The following RBMS1 variants were observed in gnomAD, a reference collection of about 807,000 sequenced individuals.
RBMS1 encodes the protein RNA binding motif single stranded interacting protein 1.
RBMS1 carries 17 observed loss-of-function variants against 62.3 expected under a neutral mutation model. The ratio of observed to expected loss-of-function variants is 0.27; its 90% CI spans 0.19 to 0.41. RBMS1 has a LOEUF of 0.41. Among genes scored for constraint, RBMS1 ranks in the 10% least tolerant of loss-of-function variants. RBMS1 has a pLI of 1.00. For missense variants in RBMS1, 334 were observed against 504.5 expected (o/e 0.66, Z 3.24); for synonymous variants, 172 against 170.0 (o/e 1.01, Z -0.09).
intron 1 of RBMS1, among the ~76,000 whole-genome samples, chr2:160,450,564 G>GAAAAAAAAAAA (rs1181640365): frequency 1.4e-4 from 8 of 56,576 alleles, no homozygotes; most frequent in Admixed American, 1.9e-4. Context: ...AATAAAAAAT[G>GAAAAAAAAAAA]AAAAAAAAAA....
intron 1 of RBMS1, among the ~76,000 whole-genome samples, chr2:160,389,493 T>C (rs1006596771): frequency 3.3e-5 from 5 of 150,528 alleles, no homozygotes; most frequent in African/African-American, 1.2e-4. Context: ...AGGTCAGGAG[T>C]TCAAAACCAG....
chr2:160,434,487 AAAGG>A (rs1464886261), intron 1 of RBMS1, among the ~76,000 whole-genome samples: 2 of 151,724 alleles, frequency 1.3e-5, no homozygotes, highest in Admixed American at 1.3e-4. Context: ...AGGGAGACAG[AAAGG>A]AAAAAAAAAA....
At position 160,282,315 on chromosome 2, in the gene RBMS1, C is replaced by T. The variant is rs571730771; in HGVS notation, c.901-951G>A. On this transcript the variant is annotated intron_variant, in intron 9 of 13. Coordinates refer to ENST00000348849, the MANE Select transcript of RBMS1 (RefSeq NM_016836.4). ...GGTTTCCTTTGCCACCTAAGGCAGA[C>T]CAAAGTTAAGTGCTTCTGCCTTGTT... 2.9e-5 allele frequency: 39 copies of T among 1,367,796 alleles called. No individual in the cohort carries two copies. In the East Asian group the frequency reaches 1.8e-3, roughly 62 times the overall value. 84.7% of individuals were successfully genotyped at this position (1,367,796 alleles called of 1,614,324 possible).
chr2:160,464,671 T>C (rs1471975633), intron 1 of RBMS1, among the ~76,000 whole-genome samples: 1 of 152,268 alleles, frequency 6.6e-6, no homozygotes, highest in Non-Finnish European at 1.5e-5. Flanking sequence ...TTTTTAAATA[T>C]TGTGTAACTT....
At chr2:160,470,194 T>C (rs996664693) in intron 1 of RBMS1, among the ~76,000 whole-genome samples, 2 of 152,246 alleles carry the variant, frequency 1.3e-5, no homozygotes, top group South Asian at 2.1e-4. Flanking sequence ...ATCTGTATTA[T>C]AGAGTTTTTC....
intron 1 of RBMS1, among the ~76,000 whole-genome samples, chr2:160,378,655 T>C (rs1033868183): frequency 1.3e-5 from 2 of 151,160 alleles, no homozygotes; most frequent in African/African-American, 2.4e-5. Context: ...TTTTCTGTCA[T>C]AAGAGTACAC....
At chr2:160,444,673 C>T (rs1231697930) in intron 1 of RBMS1, among the ~76,000 whole-genome samples, 1 of 152,218 alleles carries the variant, frequency 6.6e-6, no homozygotes, top group Non-Finnish European at 1.5e-5. Context: ...CTTACTCCTA[C>T]TATGACTGTA....
chr2:160,352,944 C>CA (rs1296813730), intron 2 of RBMS1, among the ~76,000 whole-genome samples: 1 of 151,854 alleles, frequency 6.6e-6, no homozygotes, highest in African/African-American at 2.4e-5. Context: ...AATGTTGAGG[C>CA]AAAAAAATTA....
At chr2:160,277,714 C>A (rs368868505) in intron 11 of RBMS1, 1 of 208,980 alleles carries the variant, frequency 4.8e-6, no homozygotes. Flanking sequence ...GAAGATCTCT[C>A]CTCAAAGGAC....
chr2:160,328,583 A>T (rs538678290), intron 2 of RBMS1, among the ~76,000 whole-genome samples: 1 of 152,150 alleles, frequency 6.6e-6, no homozygotes, highest in Non-Finnish European at 1.5e-5. Flanking sequence ...GTTTATGCCA[A>T]TTTAGCTCAA....
intron 1 of RBMS1, among the ~76,000 whole-genome samples, chr2:160,472,361 T>G (rs1684956877): frequency 6.6e-6 from 1 of 152,210 alleles, no homozygotes; most frequent in African/African-American, 2.4e-5. Flanking sequence ...CTTAAATATT[T>G]CTATTTTCCT....
intron 1 of RBMS1, among the ~76,000 whole-genome samples, chr2:160,397,957 G>T (rs1044261902): frequency 6.6e-6 from 1 of 152,164 alleles, no homozygotes; most frequent in East Asian, 1.9e-4. Flanking sequence ...TGTGCTCCCC[G>T]AAGTCTGTCC....
chr2:160,311,232 C>CTATATATCTATATCTATATATATA (rs1689866017), intron 4 of RBMS1, among the ~76,000 whole-genome samples: 1 of 79,250 alleles, frequency 1.3e-5, no homozygotes, highest in African/African-American at 4.4e-5. Flanking sequence ...ATCTATCTAT[C>CTATATATCTATATCTATATATATA]TATATATATA....
rs1455164490 is a variant in RBMS1, at chr2:160,272,923, C to T, written c.*1849G>A. On this transcript the variant is annotated 3_prime_UTR_variant, in exon 14 of 14. Transcript: ENST00000348849. The stretch of plus-strand genomic sequence containing the variant: ...AAAAAATACTTGAAAGAAATAACTG[C>T]TTAGCCCTAGCTCCTGAGCTAGGAG... 2 of 152,136 alleles carry T rather than the reference C, an allele frequency of 1.3e-5. No homozygotes were observed. The highest frequency in any genetic ancestry group is 3.9e-4 in the East Asian group (2 of 5,194). 9.4% of individuals were successfully genotyped at this position (152,136 alleles called of 1,614,324 possible).
intron 7 of RBMS1, among the ~76,000 whole-genome samples, chr2:160,285,442 C>T (rs1003015353): frequency 9.9e-5 from 15 of 152,132 alleles, no homozygotes; most frequent in Non-Finnish European, 8.8e-5. Context: ...ATCAATCTCT[C>T]TAGCATACTA....
At chr2:160,312,379 GAA>G (rs151248121) in intron 4 of RBMS1, among the ~76,000 whole-genome samples, 6 of 148,448 alleles carry the variant, frequency 4.0e-5, no homozygotes, top group Non-Finnish European at 9.0e-5. Flanking sequence ...AAGTTTTCAA[GAA>G]AAAAAAAATG....
At position 160,285,161 on chromosome 2, in the gene RBMS1, G is replaced by C. The variant is rs895022360; in HGVS notation, c.757-117C>G. ...AGTCCCAGCTGCTGGGGAGGCTGAG[G>C]TGGGAAGATCCTTTTGAAGCCCAGG... On this transcript the variant is annotated intron_variant, in intron 7 of 13. Coordinates refer to ENST00000348849, the MANE Select transcript of RBMS1 (RefSeq NM_016836.4). The C allele has an allele frequency of 5.0e-5, 48 of 962,364 alleles. No homozygotes were observed. In the Admixed American group the frequency reaches 7.8e-4, roughly 16 times the overall value. The allele number at this position is 962,364 out of a possible 1,614,324, so 59.6% of individuals were successfully genotyped here. A position where few individuals can be genotyped will look rare whatever the true frequency, so the allele number is the denominator to read the frequency against.
At chr2:160,490,150 AT>A (rs928360164) in intron 1 of RBMS1, among the ~76,000 whole-genome samples, 17 of 152,112 alleles carry the variant, frequency 1.1e-4, no homozygotes, top group Admixed American at 2.0e-4. Flanking sequence ...TGGATATTAA[AT>A]TTAATATAAT....
At chr2:160,314,539 A>G (rs1690106089) in intron 3 of RBMS1, among the ~76,000 whole-genome samples, 1 of 152,206 alleles carries the variant, frequency 6.6e-6, no homozygotes, top group Admixed American at 6.5e-5. Context: ...CAGAAAGCTC[A>G]GAAACAGCCC....
Sources: allele counts gnomAD v4.1 joint callset (sites outside exome capture counted in the v4.1 genomes callset), GRCh38; gene constraint gnomAD v4.1.1; transcripts MANE v1.5; gene names NCBI Gene and HGNC (gene_info 2026-07-23, HGNC 2026-07-21).